The following LYPD8 variants were observed in gnomAD, a reference collection of about 807,000 sequenced individuals.
LYPD8 encodes LY6/PLAUR domain containing 8.
Under a neutral mutation model 1.7 loss-of-function variants are expected in LYPD8, and 8 were observed. That is an observed-to-expected ratio of 4.58 (90% CI 2.69 to 8.27). The LOEUF (loss-of-function observed/expected upper bound fraction) is 8.27. Ranked by LOEUF, LYPD8 falls within the 30% of genes most tolerant of loss-of-function variation. The probability of loss-of-function intolerance (pLI) is 0.00; values close to 1 mark genes in which losing one functional copy is unlikely to be tolerated. For missense variants in LYPD8, 112 were observed against 102.3 expected, an observed-to-expected ratio of 1.09 and a Z score of -0.41; for synonymous variants, 50 against 43.6, an observed-to-expected ratio of 1.15 and a Z score of -0.58.
At chr1:248,752,935 C>A (rs1662840458) in intron 2 of LYPD8, among the ~76,000 whole-genome samples, 1 of 128,234 alleles carries the variant, frequency 7.8e-6, no homozygotes, top group Non-Finnish European at 1.6e-5. Context: ...ACATCACACA[C>A]ACACCACATC....
chr1:248,754,163 G>A, intron 2 of LYPD8, among the ~76,000 whole-genome samples: 1 of 137,288 alleles, frequency 7.3e-6, no homozygotes, highest in Admixed American at 7.2e-5. Flanking sequence ...CACATCACAT[G>A]TCACACACAT....
At chr1:248,749,936 A>T (rs1380083383) in intron 4 of LYPD8, among the ~76,000 whole-genome samples, 1 of 151,982 alleles carries the variant, frequency 6.6e-6, no homozygotes, top group African/African-American at 2.4e-5. Flanking sequence ...AAAAAAAACT[A>T]TAGCAAAAAA....
chr1:248,741,579 C>A (rs1389757401), intron 6 of LYPD8, among the ~76,000 whole-genome samples: 3 of 152,140 alleles, frequency 2.0e-5, no homozygotes, highest in Non-Finnish European at 4.4e-5. Flanking sequence ...AAAAAGTGAT[C>A]TTGAACAAAA....
intron 2 of LYPD8, among the ~76,000 whole-genome samples, chr1:248,753,582 A>T (rs1171600725): frequency 9.2e-6 from 1 of 109,266 alleles, no homozygotes; most frequent in African/African-American, 3.9e-5. Context: ...CACCCCACAC[A>T]ACACACACAA....
intron 6 of LYPD8, among the ~76,000 whole-genome samples, chr1:248,743,450 GCAAGACTC>G (rs1468798430): frequency 6.6e-6 from 1 of 152,176 alleles, no homozygotes; most frequent in Non-Finnish European, 1.5e-5. Flanking sequence ...GGGCGACAGA[GCAAGACTC>G]CATCTCAAAA....
At chr1:248,753,105 ACC>A (rs1662849266) in intron 2 of LYPD8, among the ~76,000 whole-genome samples, 1 of 74,992 alleles carries the variant, frequency 1.3e-5, no homozygotes, top group African/African-American at 6.8e-5. Flanking sequence ...CACACCACAC[ACC>A]ACACACAACA....
intron 6 of LYPD8, among the ~76,000 whole-genome samples, chr1:248,743,205 C>T (rs1662649874): frequency 6.6e-6 from 1 of 152,168 alleles, no homozygotes; most frequent in South Asian, 2.1e-4. Context: ...TGGCTCACAC[C>T]TGTAATCCCA....
At chr1:248,744,690 G>T (rs1662700891) in intron 6 of LYPD8, among the ~76,000 whole-genome samples, 2 of 152,228 alleles carry the variant, frequency 1.3e-5, no homozygotes, top group Non-Finnish European at 2.9e-5. Flanking sequence ...AGCACAATTG[G>T]TTGGATTTAA....
At chr1:248,740,523 A>G (rs1251751138) in intron 6 of LYPD8, among the ~76,000 whole-genome samples, 7 of 152,366 alleles carry the variant, frequency 4.6e-5, no homozygotes, top group African/African-American at 9.6e-5. Context: ...GTGAGCCCCA[A>G]TTGCTCTGTC....
intron 2 of LYPD8, among the ~76,000 whole-genome samples, chr1:248,752,790 AC>A (rs1662830912): frequency 2.4e-5 from 2 of 84,492 alleles, no homozygotes; most frequent in Admixed American, 2.2e-4. Flanking sequence ...CACACCACAC[AC>A]ACACCACACC....
intron 6 of LYPD8, among the ~76,000 whole-genome samples, chr1:248,740,188 G>T (rs1263990741): frequency 6.6e-6 from 1 of 152,160 alleles, no homozygotes; most frequent in African/African-American, 2.4e-5. Context: ...TAGCTGGAAG[G>T]TGAGGAAACC....
rs773108559 is a variant in LYPD8, at chr1:248,739,878, G to A, written c.476-29C>T. Reference sequence around the variant, plus strand: ...TGAATGCAAAGGAGACAGGAGGGACGCCACTCAGTCCTTTGTCCTTCCACC... The same window carrying A: ...TGAATGCAAAGGAGACAGGAGGGACACCACTCAGTCCTTTGTCCTTCCACC... On this transcript the variant is annotated intron_variant, in intron 6 of 6. Transcript: ENST00000590317. This position sits in a 1 kb window ranked among gnomAD's most constrained non-coding sequence, Gnocchi z 4.3. 1.2e-5 allele frequency: 19 copies of A among 1,550,820 alleles called. No individual in the cohort carries two copies. The African/African-American group carries it at 2.1e-4, about 17-fold the overall frequency.
At chr1:248,744,365 A>G (rs1662683989) in intron 6 of LYPD8, among the ~76,000 whole-genome samples, 1 of 152,274 alleles carries the variant, frequency 6.6e-6, no homozygotes, top group Non-Finnish European at 1.5e-5. Context: ...GCCCGCCTGC[A>G]TGGCCAGCAC....
intron 2 of LYPD8, among the ~76,000 whole-genome samples, chr1:248,753,216 ACC>A (rs1662854748): frequency 1.1e-5 from 1 of 92,544 alleles, no homozygotes; most frequent in Non-Finnish European, 2.2e-5. Context: ...CAACACACAC[ACC>A]ACACCACACA....
chr1:248,754,100 T>C (rs1466089403), intron 2 of LYPD8, among the ~76,000 whole-genome samples: 1 of 103,328 alleles, frequency 9.7e-6, no homozygotes, highest in Non-Finnish European at 2.0e-5. Context: ...CATACACAAA[T>C]ACCACACCAC....
In LYPD8 at chr1:248,753,595, C is replaced by T. The variant is rs1224106303; in HGVS notation, c.-50+1644G>A. On this transcript the variant is annotated intron_variant, in intron 2 of 6. Transcript: ENST00000590317. ...CACACCCCACACAACACACACAACA[C>T]AACACACACACCACACACCCCACAC... Among the ~76,000 whole-genome samples the T allele has an allele frequency of 5.0e-5, 6 of 120,228 alleles. 1 individual carries two copies. Among genetic ancestry groups the T allele is most frequent in the African/African-American group, 2.0e-4 (6 of 29,504 alleles). 78.9% of individuals were successfully genotyped at this position (120,228 alleles called of 152,430 possible).
At chr1:248,744,849 G>A (rs1662703596) in intron 6 of LYPD8, among the ~76,000 whole-genome samples, 1 of 152,228 alleles carries the variant, frequency 6.6e-6, no homozygotes, top group Non-Finnish European at 1.5e-5. Flanking sequence ...GTAAAGAAGT[G>A]AATGTCAGGA....
chr1:248,748,866 C>A (rs1198246122), intron 4 of LYPD8, among the ~76,000 whole-genome samples: 1 of 152,146 alleles, frequency 6.6e-6, no homozygotes, highest in Non-Finnish European at 1.5e-5. Context: ...CCAGAGCTAT[C>A]TAATATGGTA....
At chr1:248,753,280 AACAC>A (rs1295210983) in intron 2 of LYPD8, among the ~76,000 whole-genome samples, 5 of 92,780 alleles carry the variant, frequency 5.4e-5, no homozygotes, top group Non-Finnish European at 1.0e-4. Flanking sequence ...CACACCACAC[AACAC>A]ACACACACCA....
Sources: allele counts gnomAD v4.1 joint callset (sites outside exome capture counted in the v4.1 genomes callset), GRCh38; gene constraint gnomAD v4.1.1; non-coding constraint Gnocchi (gnomAD v3.1); transcripts MANE v1.5; gene names NCBI Gene and HGNC (gene_info 2026-07-23, HGNC 2026-07-21).